Variants in NR3C2 observed in about 807,000 individuals in gnomAD.
NR3C2 encodes mineralocorticoid receptor.
Under a neutral mutation model 86.4 loss-of-function variants are expected in NR3C2, and 15 were observed. The ratio of observed to expected loss-of-function variants is 0.17; its 90% confidence interval spans 0.12 to 0.27. NR3C2 has a LOEUF of 0.27. Among genes scored for constraint, NR3C2 ranks in the 10% least tolerant of loss-of-function variants. The pLI is 1.00. For missense variants in NR3C2, 960 were observed against 1,195.6 expected (o/e 0.80, Z 2.91); for synonymous variants, 458 against 450.5 (o/e 1.02, Z -0.21).
intron 6 of NR3C2, among the ~76,000 whole-genome samples, chr4:148,140,779 T>C (rs1168714131): frequency 6.6e-6 from 1 of 152,204 alleles, no homozygotes; most frequent in Admixed American, 6.5e-5. Flanking sequence ...TCTTGCATCA[T>C]TACTACTCTA....
At chr4:148,165,466 CCT>C (rs1364721431) in intron 4 of NR3C2, among the ~76,000 whole-genome samples, 7 of 151,880 alleles carry the variant, frequency 4.6e-5, no homozygotes, top group African/African-American at 1.5e-4. Flanking sequence ...ATATTTCTTC[CCT>C]CTTAGTTCAA....
chr4:148,111,951 G>A (rs149939021), intron 8 of NR3C2, among the ~76,000 whole-genome samples: 4,228 of 152,260 alleles, frequency 0.028, 84 homozygotes, highest in Non-Finnish European at 0.044. Context: ...TTATAAAATT[G>A]TGGACTTTAA....
At chr4:148,334,194 A>G (rs920058875) in intron 2 of NR3C2, among the ~76,000 whole-genome samples, 1 of 152,218 alleles carries the variant, frequency 6.6e-6, no homozygotes, top group African/African-American at 2.4e-5. Flanking sequence ...TGATTTAGAG[A>G]AAGTACAAAA....
chr4:148,403,028 G>T (rs190813412), intron 2 of NR3C2, among the ~76,000 whole-genome samples: 170 of 151,902 alleles, frequency 1.1e-3, no homozygotes, highest in Middle Eastern at 3.4e-3. Flanking sequence ...ATATATATTT[G>T]TATGTGTATA....
chr4:148,156,772 A>G (rs1734411024), intron 4 of NR3C2, among the ~76,000 whole-genome samples: 1 of 152,176 alleles, frequency 6.6e-6, no homozygotes, highest in Admixed American at 6.5e-5. Flanking sequence ...CTAGAACTGG[A>G]AATACCATTT....
chr4:148,352,533 C>T (rs1396716265), intron 2 of NR3C2, among the ~76,000 whole-genome samples: 1 of 152,018 alleles, frequency 6.6e-6, no homozygotes, highest in African/African-American at 2.4e-5. Context: ...TTGAAAGACC[C>T]CATCTCAATG....
chr4:148,366,441 T>TACTTTTAAAAATGAATACTTTTTA (rs1746122382), intron 2 of NR3C2, among the ~76,000 whole-genome samples: 1 of 63,858 alleles, frequency 1.6e-5, no homozygotes, highest in Non-Finnish European at 3.3e-5. Flanking sequence ...AATACTTTTT[T>TACTTTTAAAAATGAATACTTTTTA]AAAAGTACTT....
intron 5 of NR3C2, among the ~76,000 whole-genome samples, chr4:148,153,062 A>G (rs952864601): frequency 2.0e-5 from 3 of 152,214 alleles, no homozygotes; most frequent in African/African-American, 7.2e-5. Flanking sequence ...TTAAAAAATG[A>G]GCATGTGGTG....
intron 6 of NR3C2, among the ~76,000 whole-genome samples, chr4:148,147,673 G>A (rs1733931006): frequency 6.6e-6 from 1 of 152,200 alleles, no homozygotes; most frequent in Admixed American, 6.5e-5. Flanking sequence ...GAGCAAGGGA[G>A]GACCACGTCA....
chr4:148,431,048 A>T (rs1256477007), intron 2 of NR3C2, among the ~76,000 whole-genome samples: 1 of 152,210 alleles, frequency 6.6e-6, no homozygotes, highest in Non-Finnish European at 1.5e-5. Flanking sequence ...TATCAAAGTG[A>T]CTATGACTAT....
chr4:148,199,481 A>C (rs949121214), intron 3 of NR3C2, among the ~76,000 whole-genome samples: 5 of 152,074 alleles, frequency 3.3e-5, no homozygotes, highest in Non-Finnish European at 7.4e-5. Flanking sequence ...TTAATTTATT[A>C]CTTAGTATCA....
At chr4:148,353,376 T>G (rs1745392995) in intron 2 of NR3C2, among the ~76,000 whole-genome samples, 1 of 152,116 alleles carries the variant, frequency 6.6e-6, no homozygotes, top group African/African-American at 2.4e-5. Context: ...AAAACCATCA[T>G]AAGAAACCAC....
intron 3 of NR3C2, among the ~76,000 whole-genome samples, chr4:148,235,357 G>T (rs1261971461): frequency 2.6e-5 from 4 of 151,468 alleles, no homozygotes; most frequent in African/African-American, 9.7e-5. Flanking sequence ...AAATAATCCA[G>T]TGAGGCAGGA....
intron 8 of NR3C2, among the ~76,000 whole-genome samples, chr4:148,099,413 C>T (rs1274445388): frequency 6.6e-6 from 1 of 152,162 alleles, no homozygotes; most frequent in Non-Finnish European, 1.5e-5. Flanking sequence ...CCTGATGGCT[C>T]CCTCAGGTGC....
chr4:148,095,870 C>T (rs961554650), intron 8 of NR3C2, among the ~76,000 whole-genome samples: 2 of 152,092 alleles, frequency 1.3e-5, no homozygotes, highest in African/African-American at 2.4e-5. Flanking sequence ...CTCATCCCGG[C>T]CCCCATCCAT....
Position 148,081,283 on chromosome 4 carries a change from C to CCTT in NR3C2, c.*58_*60dup. The CCTT allele has an allele frequency of 6.2e-7, 1 of 1,607,314 alleles. No individual in the cohort carries two copies. On this transcript the variant is annotated 3_prime_UTR_variant, in exon 9 of 9. Coordinates refer to ENST00000358102, the MANE Select transcript of NR3C2 (RefSeq NM_000901.5). ...ATGTTAAAAACAGGTTTTCTTGGGT[C>CCTT]CTTCTGGGTGTGGAACAACACAGGG...
At chr4:148,130,786 CG>C (rs1220365211) in intron 6 of NR3C2, among the ~76,000 whole-genome samples, 4 of 139,448 alleles carry the variant, frequency 2.9e-5, no homozygotes, top group Non-Finnish European at 6.1e-5. Context: ...TCAATGAACA[CG>C]TTTTTTTTTT....
intron 3 of NR3C2, among the ~76,000 whole-genome samples, chr4:148,209,939 C>A (rs1160995197): frequency 1.3e-5 from 2 of 152,180 alleles, no homozygotes; most frequent in Non-Finnish European, 2.9e-5. Context: ...TGCGTTTCTC[C>A]CAACTTGCAG....
chr4:148,281,573 A>T lies in NR3C2; in HGVS notation c.1758-21456T>A, dbSNP rs541918940. Among the ~76,000 whole-genome samples, 4 of 152,376 alleles carry T rather than the reference A, an allele frequency of 2.6e-5. No homozygotes were observed. In the South Asian group the frequency reaches 8.3e-4, roughly 32 times the overall value. On this transcript the variant is annotated intron_variant, in intron 2 of 8. Transcript: ENST00000358102. Reference sequence around the variant, plus strand: ...TTCAAAAATCAGTGTTTCCTAAGATATACCCTGTACTTTGTGCTTTCTTAT... The same window carrying T: ...TTCAAAAATCAGTGTTTCCTAAGATTTACCCTGTACTTTGTGCTTTCTTAT...
Sources: allele counts gnomAD v4.1 joint callset (sites outside exome capture counted in the v4.1 genomes callset), GRCh38; gene constraint gnomAD v4.1.1; transcripts MANE v1.5; gene names NCBI Gene and HGNC (gene_info 2026-07-23, HGNC 2026-07-21).